MSRA: variants seen among roughly 807,000 people sequenced by gnomAD.
MSRA encodes the protein methionine sulfoxide reductase A, also known as mitochondrial peptide methionine sulfoxide reductase.
MSRA carries 54 observed loss-of-function variants against 31.3 expected under a neutral mutation model. The ratio of observed to expected loss-of-function variants is 1.73; its 90% CI spans 1.39 to 2.17. MSRA has a LOEUF of 2.17. MSRA is among the 30% of genes most tolerant of loss of function. MSRA has a pLI of 0.00. For synonymous variants in MSRA, 169 were observed against 116.5 expected, an observed-to-expected ratio of 1.45 and a Z score of -2.90; for missense variants, 507 against 300.9, an observed-to-expected ratio of 1.69 and a Z score of -5.07.
chr8:10,271,859 T>C (rs1357693155), intron 3 of MSRA, among the ~76,000 whole-genome samples: 1 of 152,000 alleles, frequency 6.6e-6, no homozygotes, highest in African/African-American at 2.4e-5. Context: ...GCTGGGATTA[T>C]AGGCACGTGC....
chr8:10,310,100 A>C (rs190350460), intron 4 of MSRA, among the ~76,000 whole-genome samples: 1 of 152,358 alleles, frequency 6.6e-6, no homozygotes, highest in African/African-American at 2.4e-5. Flanking sequence ...AGTTTTTTAA[A>C]ATAAGTCACC....
At chr8:10,067,784 C>T (rs778207278) in intron 1 of MSRA, among the ~76,000 whole-genome samples, 29 of 151,094 alleles carry the variant, frequency 1.9e-4, no homozygotes, top group Admixed American at 4.0e-4. Context: ...GAAGATCTTT[C>T]CTGAGCTTAT....
At chr8:10,341,775 G>A (rs778592995) in intron 5 of MSRA, among the ~76,000 whole-genome samples, 7 of 152,166 alleles carry the variant, frequency 4.6e-5, no homozygotes, top group African/African-American at 7.2e-5. Flanking sequence ...CCAAGCTCCC[G>A]ACTCGCAATG....
intron 5 of MSRA, among the ~76,000 whole-genome samples, chr8:10,391,993 A>C (rs1806778466): frequency 6.6e-6 from 1 of 152,004 alleles, no homozygotes; most frequent in Non-Finnish European, 1.5e-5. Flanking sequence ...TAGACTTCAG[A>C]CTCTTATATT....
intron 2 of MSRA, among the ~76,000 whole-genome samples, chr8:10,226,674 G>A (rs1811028487): frequency 6.6e-6 from 1 of 152,182 alleles, no homozygotes; most frequent in African/African-American, 2.4e-5. Flanking sequence ...CAAACTGGGT[G>A]CCATATGTGT....
intron 5 of MSRA, among the ~76,000 whole-genome samples, chr8:10,377,918 A>G (rs1805841820): frequency 1.3e-5 from 2 of 152,218 alleles, no homozygotes; most frequent in Admixed American, 6.5e-5. Context: ...GTGATCCAGG[A>G]GGGACTGCGC....
chr8:10,193,524 G>A (rs577385900), intron 1 of MSRA, among the ~76,000 whole-genome samples: 3 of 152,318 alleles, frequency 2.0e-5, no homozygotes, highest in Non-Finnish European at 4.4e-5. Flanking sequence ...CAAGCAGACG[G>A]TGCTGCTATC....
At chr8:10,229,259 A>G (rs1214710010) in intron 2 of MSRA, among the ~76,000 whole-genome samples, 1 of 152,176 alleles carries the variant, frequency 6.6e-6, no homozygotes, top group African/African-American at 2.4e-5. Context: ...TGAGAAGGTC[A>G]ATATATGAAG....
chr8:10,127,081 C>G (rs558538500), intron 1 of MSRA, among the ~76,000 whole-genome samples: 66 of 152,346 alleles, frequency 4.3e-4, no homozygotes, highest in African/African-American at 1.5e-3. Flanking sequence ...CCAGACATTT[C>G]TCTAGAATTC....
intron 1 of MSRA, among the ~76,000 whole-genome samples, chr8:10,167,560 C>T (rs1805252013): frequency 2.0e-5 from 3 of 152,108 alleles, no homozygotes; most frequent in African/African-American, 7.2e-5. Flanking sequence ...AACAATCACG[C>T]CAGCCAGGAG....
chr8:10,273,656 A>G (rs1419105868), intron 3 of MSRA, among the ~76,000 whole-genome samples: 4 of 152,110 alleles, frequency 2.6e-5, no homozygotes, highest in Non-Finnish European at 4.4e-5. Flanking sequence ...TTCTTTCTCT[A>G]TAATTGTATC....
At chr8:10,082,855 C>A (rs958602355) in intron 1 of MSRA, among the ~76,000 whole-genome samples, 2 of 152,276 alleles carry the variant, frequency 1.3e-5, no homozygotes, top group East Asian at 1.9e-4. Flanking sequence ...ACCAAAGTGC[C>A]GTGAACAGAG....
At chr8:10,304,871 A>C (rs13257313) in intron 4 of MSRA, among the ~76,000 whole-genome samples, 27,520 of 152,204 alleles carry the variant, frequency 0.18, 3,262 homozygotes, top group Non-Finnish European at 0.27. Flanking sequence ...TCTGTGAGGC[A>C]GTAGTCCACT....
intron 1 of MSRA, among the ~76,000 whole-genome samples, chr8:10,154,426 G>T (rs1262018122): frequency 1.3e-5 from 2 of 151,712 alleles, no homozygotes; most frequent in Non-Finnish European, 2.9e-5. Context: ...CGCCCAGGCT[G>T]GAGTGCAGTG....
At chr8:10,405,222 C>G (rs1807729654) in intron 5 of MSRA, among the ~76,000 whole-genome samples, 1 of 152,152 alleles carries the variant, frequency 6.6e-6, no homozygotes, top group African/African-American at 2.4e-5. Flanking sequence ...TGCCTCTCCC[C>G]TCTGTCAACC....
intron 1 of MSRA, among the ~76,000 whole-genome samples, chr8:10,064,986 A>C (rs940564563): frequency 6.6e-6 from 1 of 152,174 alleles, no homozygotes; most frequent in African/African-American, 2.4e-5. Context: ...AAGAGTTTGC[A>C]GAATGGAATG....
intron 5 of MSRA, among the ~76,000 whole-genome samples, chr8:10,401,185 T>C (rs1807441811): frequency 1.3e-5 from 2 of 151,890 alleles, no homozygotes; most frequent in African/African-American, 2.4e-5. Flanking sequence ...GAAAATATTT[T>C]TAAAACCCAT....
At chr8:10,201,334 G>A (rs915378600) in intron 1 of MSRA, among the ~76,000 whole-genome samples, 2 of 152,102 alleles carry the variant, frequency 1.3e-5, no homozygotes, top group African/African-American at 2.4e-5. Context: ...CTTGATGACC[G>A]GCAGTTCTGA....
chr8:10,125,701 C>T (rs17151145), intron 1 of MSRA, among the ~76,000 whole-genome samples: 34,814 of 152,114 alleles, frequency 0.23, 4,318 homozygotes, highest in East Asian at 0.38. Flanking sequence ...GAAAGTTTTC[C>T]CTCTTAAATG....
Sources: allele counts gnomAD v4.1 joint callset (sites outside exome capture counted in the v4.1 genomes callset), GRCh38; gene constraint gnomAD v4.1.1; transcripts MANE v1.5; gene names NCBI Gene and HGNC (gene_info 2026-07-23, HGNC 2026-07-21).